SPEN: variants seen among roughly 807,000 people sequenced by gnomAD.
SPEN encodes the protein spen family transcriptional repressor.
In SPEN, 18 loss-of-function variants were observed where a neutral mutation model predicts 269.9. That is an observed-to-expected ratio of 0.07 (90% CI 0.05 to 0.10). The LOEUF (loss-of-function observed/expected upper bound fraction) is 0.10, where lower values mean the gene tolerates loss of function less well. Among genes scored for constraint, SPEN ranks in the 10% least tolerant of loss-of-function variants. The pLI is 1.00. For missense variants in SPEN, 3,822 were observed against 4,631.2 expected, an observed-to-expected ratio of 0.83 and a Z score of 5.07; for synonymous variants, 1,726 against 1,765.7, an observed-to-expected ratio of 0.98 and a Z score of 0.56.
rs141514807 is a variant in SPEN, at chr1:15,879,483, C to T, written c.881+2805C>T. ...CTGTATGCTTCTAAATGTTTGCACT[C>T]AGAAAGATAACTGCTAGAAGGGTAG... On this transcript the variant is annotated intron_variant, in intron 3 of 14. Transcript: ENST00000375759. Among the ~76,000 whole-genome samples, 70 of 152,112 alleles carry T rather than the reference C, an allele frequency of 4.6e-4. No individual in the cohort carries two copies. The East Asian group carries it at 0.011, about 24-fold the overall frequency.
In SPEN at chr1:15,936,204, C is replaced by T. The variant is rs755994976; in HGVS notation, c.9964C>T (p.His3322Tyr). 4.4e-6 allele frequency: 7 copies of T among 1,578,286 alleles called. No individual in the cohort carries two copies. The highest frequency in any genetic ancestry group is 6.1e-6 in the Non-Finnish European group (7 of 1,156,412). The change falls in exon 11 of 15, where the codon CAC (histidine) becomes TAC (tyrosine). Residue 3322 changes from histidine to tyrosine, a missense_variant. Around this residue, in one of 16 missense-constraint regions of SPEN, gnomAD observed 359 missense variants for 377.3 expected, o/e 0.95. Transcript: ENST00000375759. Reference protein sequence around the residue: ...RTYHPPAQLTHTQFPAASSVG... With the variant: ...RTYHPPAQLTYTQFPAASSVG... ...CTACCACCCCCCGGCCCAGCTCACACACACTCAGTTTCCCGCCGCTTCCTC... is the reference window on the plus strand; with the variant it reads ...CTACCACCCCCCGGCCCAGCTCACATACACTCAGTTTCCCGCCGCTTCCTC...
At chr1:15,896,187 C>CT (rs34846762) in intron 3 of SPEN, among the ~76,000 whole-genome samples, 2,922 of 69,212 alleles carry the variant, frequency 0.042, 886 homozygotes, top group Non-Finnish European at 0.06. Context: ...TTTACCATCA[C>CT]TTTTTTTTTT....
chr1:15,871,559 GC>G (rs2070575409), intron 1 of SPEN, among the ~76,000 whole-genome samples: 1 of 152,002 alleles, frequency 6.6e-6, no homozygotes, highest in African/African-American at 2.4e-5. Context: ...CTCCCAAAGT[GC>G]TGGGATTACA....
At position 15,876,698 on chromosome 1, in the gene SPEN, T is replaced by TTA. The variant is rs1469194250; in HGVS notation, c.881+23_881+24dup. On this transcript the variant is annotated intron_variant, in intron 3 of 14. Transcript: ENST00000375759. ...TGACAGGTAGGTTAACAGCCTTTTG[T>TTA]TATAACAGATGAGCTAGCTTTAAAC... The TTA allele has an allele frequency of 1.3e-6, 2 of 1,550,458 alleles. No homozygotes were observed. The highest frequency in any genetic ancestry group is 4.5e-5 in the East Asian group (2 of 44,392).
At chr1:15,926,108 A>T (rs1460907642) in intron 10 of SPEN, among the ~76,000 whole-genome samples, 1 of 152,166 alleles carries the variant, frequency 6.6e-6, no homozygotes, top group Non-Finnish European at 1.5e-5. Flanking sequence ...ATAAGTACAT[A>T]TAATAGGCCA....
intron 3 of SPEN, among the ~76,000 whole-genome samples, chr1:15,899,719 G>C (rs2070882236): frequency 6.6e-6 from 1 of 151,732 alleles, no homozygotes; most frequent in African/African-American, 2.4e-5. Flanking sequence ...ATTTTTTCTT[G>C]TGCTTATTTG....
At position 15,933,573 on chromosome 1, in the gene SPEN, C is replaced by G. The variant is rs2071244131; in HGVS notation, c.7333C>G (p.Gln2445Glu). ...PQPAPVDEEPQARFRVHSIIE... is the reference protein window; with the variant it reads ...PQPAPVDEEPEARFRVHSIIE... ...GCCAGCACCGGTGGATGAGGAGCCT[C>G]AAGCCAGGTTCAGGGTGCATTCCAT... The change falls in exon 11 of 15, where the codon CAA becomes GAA. Residue 2445 changes from glutamine (Q) to glutamate (E), a missense_variant. Physicochemically the swap from Gln to Glu is conservative, Grantham distance 29. This residue lies in a region of SPEN where 727 missense variants were observed against 737.9 expected (regional missense o/e 0.99). Coordinates refer to ENST00000375759, the MANE Select transcript of SPEN (RefSeq NM_015001.3). The surrounding 1 kb of genome is among the most constrained non-coding windows in gnomAD (Gnocchi z 5.7). The G allele has an allele frequency of 3.1e-6, 5 of 1,614,036 alleles. No individual in the cohort carries two copies. The highest frequency in any genetic ancestry group is 4.2e-6 in the Non-Finnish European group (5 of 1,179,938).
intron 3 of SPEN, among the ~76,000 whole-genome samples, chr1:15,881,696 T>A (rs1323782904): frequency 6.6e-6 from 1 of 152,266 alleles, no homozygotes; most frequent in Admixed American, 6.5e-5. Flanking sequence ...AATAATCCTC[T>A]GGTGTTCAGT....
At chr1:15,913,448 A>G (rs1418029164) in intron 5 of SPEN, among the ~76,000 whole-genome samples, 1 of 151,870 alleles carries the variant, frequency 6.6e-6, no homozygotes, top group East Asian at 1.9e-4. Context: ...GGTGGCTCAC[A>G]CCTTGATTGA....
chr1:15,911,347 G>C (rs1476497109), intron 5 of SPEN, 46 bp downstream of exon 5: 1 of 1,527,232 alleles, frequency 6.5e-7, no homozygotes. Flanking sequence ...CACACACACT[G>C]TTTGTGTTGC....
intron 3 of SPEN, among the ~76,000 whole-genome samples, chr1:15,886,309 C>T (rs953658191): frequency 1.3e-5 from 2 of 152,122 alleles, no homozygotes; most frequent in African/African-American, 2.4e-5. Context: ...AGATGAGAAG[C>T]GCTCATCTGG....
chr1:15,870,514 A>G (rs2070562458), intron 1 of SPEN, among the ~76,000 whole-genome samples: 1 of 152,252 alleles, frequency 6.6e-6, no homozygotes, highest in Non-Finnish European at 1.5e-5. Context: ...TTAACTGGGC[A>G]AAGAGGGATT....
intron 6 of SPEN, among the ~76,000 whole-genome samples, chr1:15,918,438 C>G (rs111985148): frequency 6.6e-6 from 1 of 152,124 alleles, no homozygotes; most frequent in East Asian, 1.9e-4. Context: ...AGGCTGGTGT[C>G]GAACTCCTGA....
In SPEN at chr1:15,882,568, G is replaced by A. The variant is rs1557742105; in HGVS notation, c.881+5890G>A. On this transcript the variant is annotated intron_variant, in intron 3 of 14. Coordinates refer to ENST00000375759, the MANE Select transcript of SPEN (RefSeq NM_015001.3). Reference sequence around the variant, plus strand: ...CCAGCTACTATGGTGGCTGAGGTGCGAGAATCGCTTGAACCTGGGAGATGG... The same window carrying A: ...CCAGCTACTATGGTGGCTGAGGTGCAAGAATCGCTTGAACCTGGGAGATGG... Among the ~76,000 whole-genome samples the A allele has an allele frequency of 3.3e-5, 5 of 152,296 alleles. No homozygotes were observed. In the South Asian group the frequency reaches 6.2e-4, roughly 19 times the overall value.
rs373713516 is a variant in SPEN at position 15,934,528 on chromosome 1, C to T, written c.8288C>T (p.Ala2763Val). Reference sequence around the variant, plus strand: ...GCCACAACAGGCACGGTGACAATGGCAGGGGCAGTGATTGCGCCGTCAACA... The same window carrying T: ...GCCACAACAGGCACGGTGACAATGGTAGGGGCAGTGATTGCGCCGTCAACA... ...VTATTGTVTM[A>V]GAVIAPSTKC... Residue 2763 changes from alanine (A) to valine (V), a missense_variant, in exon 11 of 15, where the codon GCA becomes GTA. This residue lies in a region of SPEN where 329 missense variants were observed against 431.2 expected (regional missense o/e 0.76). Coordinates refer to ENST00000375759, the MANE Select transcript of SPEN (RefSeq NM_015001.3). The surrounding 1 kb of genome is among the most constrained non-coding windows in gnomAD (Gnocchi z 9.2). The T allele has an allele frequency of 7.4e-6, 12 of 1,614,096 alleles. No individual in the cohort carries two copies. Among genetic ancestry groups the T allele is most frequent in the Non-Finnish European group, 7.6e-6 (9 of 1,180,038 alleles).
At chr1:15,852,846 C>T (rs1014680022) in intron 1 of SPEN, among the ~76,000 whole-genome samples, 1 of 152,038 alleles carries the variant, frequency 6.6e-6, no homozygotes, top group Non-Finnish European at 1.5e-5. Context: ...CCAGCATATC[C>T]AATTGGAGAC....
At chr1:15,864,949 C>G (rs757821208) in intron 1 of SPEN, among the ~76,000 whole-genome samples, 3 of 152,070 alleles carry the variant, frequency 2.0e-5, no homozygotes, top group Non-Finnish European at 4.4e-5. Context: ...CGTCCTCGCG[C>G]CTTGGCTTCC....
chr1:15,938,424 T>C (rs1384932314), intron 13 of SPEN, among the ~76,000 whole-genome samples: 1 of 152,098 alleles, frequency 6.6e-6, no homozygotes, highest in African/African-American at 2.4e-5. Context: ...CCAGTAACGG[T>C]ATTCTTGAAG....
At chr1:15,901,590 C>T (rs2070900820) in intron 3 of SPEN, among the ~76,000 whole-genome samples, 1 of 141,588 alleles carries the variant, frequency 7.1e-6, no homozygotes, top group African/African-American at 2.6e-5. Context: ...TCGGAAGTTG[C>T]AGTGAGCCGA....
Sources: allele counts gnomAD v4.1 joint callset (sites outside exome capture counted in the v4.1 genomes callset), GRCh38; gene constraint gnomAD v4.1.1; regional missense constraint gnomAD v4.1.1; non-coding constraint Gnocchi (gnomAD v3.1); transcripts MANE v1.5; gene names NCBI Gene and HGNC (gene_info 2026-07-23, HGNC 2026-07-21).